Variants in ZNF469 observed in about 807,000 individuals in gnomAD.
The protein encoded by ZNF469 is zinc finger protein 469.
A neutral mutation model predicts 1.0 loss-of-function variants in ZNF469; 1 was observed. The ratio of observed to expected loss-of-function variants is 1.00; its 90% CI spans 0.35 to 4.73. The LOEUF (loss-of-function observed/expected upper bound fraction) is 4.73, where lower values mean the gene tolerates loss of function less well. Ranked by LOEUF, ZNF469 falls within the 30% of genes most tolerant of loss-of-function variation. ZNF469 has a pLI of 0.16. For missense variants in ZNF469, 6,100 were observed against 5,356.3 expected, an observed-to-expected ratio of 1.14 and a Z score of -4.33; for synonymous variants, 2,703 against 2,363.4, an observed-to-expected ratio of 1.14 and a Z score of -4.17.
At chr16:88,134,071 C>T in the ZNF469 span, among the ~76,000 whole-genome samples, 1 of 151,276 alleles carries the variant, frequency 6.6e-6, no homozygotes, top group Non-Finnish European at 1.5e-5. Context: ...GCACTCCAGC[C>T]TGGGCAACAG....
the ZNF469 span, among the ~76,000 whole-genome samples, chr16:88,127,337 A>C: frequency 6.6e-6 from 1 of 152,202 alleles, no homozygotes; most frequent in African/African-American, 2.4e-5. Flanking sequence ...TGTCTAATAG[A>C]ATTCAGCAAC....
At chr16:88,334,051 TC>T in the ZNF469 span, among the ~76,000 whole-genome samples, 3 of 151,112 alleles carry the variant, frequency 2.0e-5, no homozygotes, top group Non-Finnish European at 3.0e-5. Flanking sequence ...TCTCTGTGTG[TC>T]TGTGTCTGTG....
the ZNF469 span, among the ~76,000 whole-genome samples, chr16:88,330,294 T>C: frequency 6.6e-6 from 1 of 152,212 alleles, no homozygotes; most frequent in Non-Finnish European, 1.5e-5. Context: ...GCGAAGGCCC[T>C]TCCTAGCATT....
chr16:88,270,026 G>A, the ZNF469 span, among the ~76,000 whole-genome samples: 55 of 152,310 alleles, frequency 3.6e-4, no homozygotes, highest in African/African-American at 1.2e-3. Context: ...TGTGACATCA[G>A]CACTGCCTCC....
the ZNF469 span, among the ~76,000 whole-genome samples, chr16:88,131,737 A>G: frequency 1.3e-5 from 2 of 152,196 alleles, no homozygotes; most frequent in Admixed American, 1.3e-4. Flanking sequence ...CGTCCACTGC[A>G]TGTCTTTGGT....
At chr16:88,157,313 C>T in the ZNF469 span, among the ~76,000 whole-genome samples, 1 of 152,208 alleles carries the variant, frequency 6.6e-6, no homozygotes, top group African/African-American at 2.4e-5. Context: ...CAGCCTCAGG[C>T]GTGGGGCCCA....
the ZNF469 span, among the ~76,000 whole-genome samples, chr16:88,132,230 C>T: frequency 6.6e-6 from 1 of 152,244 alleles, no homozygotes; most frequent in Non-Finnish European, 1.5e-5. Flanking sequence ...TGCTTTCGGC[C>T]TCCGACGCCC....
At chr16:88,222,256 C>T in the ZNF469 span, among the ~76,000 whole-genome samples, 41 of 152,334 alleles carry the variant, frequency 2.7e-4, no homozygotes, top group African/African-American at 9.6e-4. Flanking sequence ...CCAGAGCTCA[C>T]AGCCTGGATC....
At chr16:88,287,841 C>T in the ZNF469 span, among the ~76,000 whole-genome samples, 3 of 152,186 alleles carry the variant, frequency 2.0e-5, no homozygotes, top group Non-Finnish European at 4.4e-5. Flanking sequence ...ATGGTGATCA[C>T]GTAGCTGTAA....
chr16:88,168,664 G>A, the ZNF469 span, among the ~76,000 whole-genome samples: 2 of 152,140 alleles, frequency 1.3e-5, no homozygotes, highest in African/African-American at 2.4e-5. This position sits in a 1 kb window ranked among gnomAD's most constrained non-coding sequence, Gnocchi z 4.3. Flanking sequence ...TTCATCCACC[G>A]GCTTCTTTAA....
chr16:88,304,371 A>T, the ZNF469 span, among the ~76,000 whole-genome samples: 744 of 152,322 alleles, frequency 4.9e-3, 2 homozygotes, highest in Non-Finnish European at 8.2e-3. Context: ...CCAGTACAAC[A>T]GCCTGGAACT....
the ZNF469 span, among the ~76,000 whole-genome samples, chr16:88,375,697 C>T: frequency 2.6e-5 from 4 of 152,248 alleles, 1 homozygote; most frequent in African/African-American, 7.2e-5. Context: ...AGGCATGAGG[C>T]GCACTGTCCT....
the ZNF469 span, among the ~76,000 whole-genome samples, chr16:88,265,811 G>A: frequency 5.3e-5 from 8 of 152,218 alleles, no homozygotes; most frequent in Non-Finnish European, 1.0e-4. Flanking sequence ...CCCAACCAGG[G>A]GATCCCCGCT....
At chr16:88,103,411 C>T in the ZNF469 span, among the ~76,000 whole-genome samples, 3 of 152,226 alleles carry the variant, frequency 2.0e-5, no homozygotes, top group Admixed American at 6.5e-5. Context: ...TGCCCCTTGC[C>T]AGAGACCCAG....
At chr16:88,418,691 C>T (rs1398616805) in intron 1 of ZNF469, among the ~76,000 whole-genome samples, 1 of 152,170 alleles carries the variant, frequency 6.6e-6, no homozygotes. Flanking sequence ...CAATGCCGGC[C>T]TCCACTTTCC....
At position 88,437,184 on chromosome 16, in the gene ZNF469, C is replaced by A; in HGVS notation, c.9714C>A (p.His3238Gln). ...LNSITEPAPK[H>Q]HRGKRSAGKA... ...GCATCACGGAACCCGCGCCCAAACA[C>A]CACAGGGGCAAGCGCTCCGCCGGCA... Residue 3238 changes from histidine (H) to glutamine (Q), a missense_variant, in exon 3 of 3, where the codon CAC becomes CAA. His to Gln is a conservative substitution (Grantham distance 24). Coordinates refer to ENST00000565624, the MANE Select transcript of ZNF469 (RefSeq NM_001367624.2). 6.5e-7 allele frequency: 1 copy of A among 1,549,554 alleles called. No homozygotes were observed. The highest frequency in any genetic ancestry group is 8.7e-7 in the Non-Finnish European group (1 of 1,146,602).
At chr16:88,135,635 C>A in the ZNF469 span, among the ~76,000 whole-genome samples, 7 of 152,130 alleles carry the variant, frequency 4.6e-5, no homozygotes, top group African/African-American at 1.7e-4. Context: ...CACCCACACC[C>A]GGGGCCCCTC....
chr16:88,344,765 G>T, the ZNF469 span, among the ~76,000 whole-genome samples: 2 of 152,232 alleles, frequency 1.3e-5, no homozygotes, highest in South Asian at 4.1e-4. Flanking sequence ...GGGTTCCTGG[G>T]AGGGGCCGCT....
intron 1 of ZNF469, among the ~76,000 whole-genome samples, chr16:88,404,104 G>A (rs1276503485): frequency 6.6e-6 from 1 of 152,236 alleles, no homozygotes; most frequent in African/African-American, 2.4e-5. Flanking sequence ...TGTTTTGCGG[G>A]ACCCTTGTGT....
Sources: allele counts gnomAD v4.1 joint callset (sites outside exome capture counted in the v4.1 genomes callset), GRCh38; gene constraint gnomAD v4.1.1; non-coding constraint Gnocchi (gnomAD v3.1); transcripts MANE v1.5; gene names NCBI Gene and HGNC (gene_info 2026-07-23, HGNC 2026-07-21).